FGF10: variants seen among roughly 807,000 people sequenced by gnomAD.
FGF10 encodes FGF-10.
In FGF10, 2 loss-of-function variants were observed where a neutral mutation model predicts 19.8. The ratio of observed to expected loss-of-function variants is 0.10; its 90% CI spans 0.04 to 0.32. The LOEUF (loss-of-function observed/expected upper bound fraction) is 0.32, where lower values mean the gene tolerates loss of function less well. FGF10 is among the 10% of genes least tolerant of loss of function. FGF10 has a pLI of 1.00. For synonymous variants in FGF10, 112 were observed against 94.0 expected, an observed-to-expected ratio of 1.19 and a Z score of -1.10; for missense variants, 191 against 246.3, an observed-to-expected ratio of 0.78 and a Z score of 1.50.
At chr5:44,366,747 G>A (rs339498) in intron 1 of FGF10, among the ~76,000 whole-genome samples, 149,353 of 152,064 alleles carry the variant, frequency 0.98, 73,413 homozygotes, top group South Asian at 1. Context: ...TGGAAAAAGC[G>A]TTTGCTAAGA....
intron 2 of FGF10, among the ~76,000 whole-genome samples, chr5:44,307,540 A>T (rs887448708): frequency 1.3e-5 from 2 of 152,232 alleles, no homozygotes; most frequent in African/African-American, 4.8e-5. Flanking sequence ...TAAGAAAGGT[A>T]TACAGTTTCC....
At chr5:44,339,575 ACT>A (rs1288987001) in intron 1 of FGF10, among the ~76,000 whole-genome samples, 1 of 152,112 alleles carries the variant, frequency 6.6e-6, no homozygotes, top group Non-Finnish European at 1.5e-5. Context: ...TTCTATCAAC[ACT>A]CTATTTGTGA....
intron 1 of FGF10, among the ~76,000 whole-genome samples, chr5:44,327,687 C>T (rs985772605): frequency 6.6e-6 from 1 of 152,196 alleles, no homozygotes; most frequent in African/African-American, 2.4e-5. Flanking sequence ...CTCTAGACAA[C>T]AAACAGCTTT....
chr5:44,331,156 T>G (rs1338374481), intron 1 of FGF10, among the ~76,000 whole-genome samples: 1 of 152,162 alleles, frequency 6.6e-6, no homozygotes, highest in African/African-American at 2.4e-5. Flanking sequence ...TAAATTTAAA[T>G]TTCTGACAAG....
At chr5:44,374,434 A>G (rs370015043) in intron 1 of FGF10, among the ~76,000 whole-genome samples, 235 of 152,304 alleles carry the variant, frequency 1.5e-3, no homozygotes, top group African/African-American at 5.5e-3. Context: ...ATTATTCAGC[A>G]TAATATAGCT....
intron 1 of FGF10, among the ~76,000 whole-genome samples, chr5:44,341,353 A>T (rs1740966335): frequency 1.3e-5 from 2 of 151,838 alleles, no homozygotes; most frequent in Admixed American, 1.3e-4. Context: ...AAAAAACTAC[A>T]CCACTCCGTT....
rs1740001804 is a variant in FGF10, at chr5:44,303,279, G to T, written c.*1716C>A. 6.6e-6 allele frequency among the ~76,000 whole-genome samples: 1 copy of T among 152,132 alleles called. No homozygotes were observed. The highest frequency in any genetic ancestry group is 1.5e-5 in the Non-Finnish European group (1 of 68,024). On this transcript the variant is annotated 3_prime_UTR_variant, in exon 3 of 3. Transcript: ENST00000264664. ...TAAAAATAACAGATTAACTGGAAGT[G>T]CTGGTTAAGTATTGACACAAATAAG... is the stretch of plus-strand genomic sequence containing the variant.
intron 1 of FGF10, among the ~76,000 whole-genome samples, chr5:44,359,958 A>G (rs1266993781): frequency 6.6e-6 from 1 of 151,532 alleles, no homozygotes; most frequent in Non-Finnish European, 1.5e-5. Flanking sequence ...GATTGTTTAG[A>G]AAATGCCACC....
intron 1 of FGF10, among the ~76,000 whole-genome samples, chr5:44,331,117 A>C (rs1456548490): frequency 6.6e-6 from 1 of 152,180 alleles, no homozygotes; most frequent in African/African-American, 2.4e-5. Flanking sequence ...TGGTTTGAAG[A>C]CATAGTTCTG....
intron 1 of FGF10, among the ~76,000 whole-genome samples, chr5:44,351,431 T>C (rs1028608784): frequency 1.3e-5 from 2 of 151,642 alleles, no homozygotes; most frequent in African/African-American, 2.4e-5. Flanking sequence ...ATTTATCCCA[T>C]TTGATAGAAT....
chr5:44,368,290 T>C (rs1741665552), intron 1 of FGF10, among the ~76,000 whole-genome samples: 1 of 152,074 alleles, frequency 6.6e-6, no homozygotes, highest in African/African-American at 2.4e-5. Flanking sequence ...ATGAGTAAAA[T>C]TGGAAGTATG....
At chr5:44,312,820 A>G (rs1348661321) in intron 1 of FGF10, among the ~76,000 whole-genome samples, 1 of 152,124 alleles carries the variant, frequency 6.6e-6, no homozygotes, top group Admixed American at 6.6e-5. Context: ...TAAGCAAAAA[A>G]TAAACCAATA....
Position 44,343,705 on chromosome 5 carries a change from T to C in FGF10, c.326-33175A>G, listed in dbSNP as rs143167139. Among the ~76,000 whole-genome samples, 580 of 152,140 alleles carry C rather than the reference T, an allele frequency of 3.8e-3. 2 individuals are homozygous for C. Among genetic ancestry groups the C allele is most frequent in the Middle Eastern group, 0.017 (5 of 292 alleles). The stretch of plus-strand genomic sequence containing the variant: ...AATCTGAGGCCTCAGACTTAGATTC[T>C]TTTGCCAAAACATAGCATATAGCCA... On this transcript the variant is annotated intron_variant, in intron 1 of 2. Transcript: ENST00000264664.
intron 1 of FGF10, among the ~76,000 whole-genome samples, chr5:44,358,597 G>T (rs995729793): frequency 2.0e-5 from 3 of 151,448 alleles, no homozygotes; most frequent in Non-Finnish European, 4.4e-5. Flanking sequence ...AGTGTCAACT[G>T]ATGTGGATTG....
chr5:44,334,249 G>A (rs558216841), intron 1 of FGF10, among the ~76,000 whole-genome samples: 5 of 151,922 alleles, frequency 3.3e-5, no homozygotes, highest in South Asian at 4.2e-4. Flanking sequence ...CCTTGTATCC[G>A]TTCCTGTTTT....
intron 1 of FGF10, among the ~76,000 whole-genome samples, chr5:44,322,775 A>G (rs966450955): frequency 2.6e-5 from 4 of 151,914 alleles, no homozygotes; most frequent in Admixed American, 2.0e-4. Context: ...AGATGGGACT[A>G]TCTAGTTGCA....
Position 44,304,848 on chromosome 5 carries a change from A to T in FGF10, c.*147T>A. 1 of 761,930 alleles carries T rather than the reference A, an allele frequency of 1.3e-6. No individual in the cohort carries two copies. The highest frequency in any genetic ancestry group is 2.3e-6 in the Non-Finnish European group (1 of 439,232). 47.2% of individuals were successfully genotyped at this position (761,930 alleles called of 1,614,324 possible). On this transcript the variant is annotated 3_prime_UTR_variant, in exon 3 of 3. Transcript: ENST00000264664. Reference sequence around the variant, plus strand: ...AACATCATATGTCAGCAGTGAATACAAAAACCTTCAAAGGCTGGCTTTCTT... The same window carrying T: ...AACATCATATGTCAGCAGTGAATACTAAAACCTTCAAAGGCTGGCTTTCTT...
intron 1 of FGF10, among the ~76,000 whole-genome samples, chr5:44,333,299 T>G (rs1426632119): frequency 6.6e-6 from 1 of 152,120 alleles, no homozygotes; most frequent in Non-Finnish European, 1.5e-5. Flanking sequence ...ATAGTGAGAT[T>G]TCTTCCCAGA....
At chr5:44,332,068 C>A (rs1448585277) in intron 1 of FGF10, among the ~76,000 whole-genome samples, 1 of 152,044 alleles carries the variant, frequency 6.6e-6, no homozygotes, top group Non-Finnish European at 1.5e-5. Context: ...GTGTAAAGCA[C>A]AAGTATGAAC....
Sources: allele counts gnomAD v4.1 joint callset (sites outside exome capture counted in the v4.1 genomes callset), GRCh38; gene constraint gnomAD v4.1.1; transcripts MANE v1.5; gene names NCBI Gene and HGNC (gene_info 2026-07-23, HGNC 2026-07-21).